The following MYOM1 variants were observed in gnomAD, a reference collection of about 807,000 sequenced individuals.
MYOM1 encodes the protein myomesin-1.
In MYOM1, 164 loss-of-function variants were observed where a neutral mutation model predicts 205.3. The ratio of observed to expected loss-of-function variants is 0.80; its 90% CI spans 0.70 to 0.91. The LOEUF (loss-of-function observed/expected upper bound fraction) is 0.91. MYOM1 is among the 40% of genes least tolerant of loss of function. The pLI is 0.00. For missense variants in MYOM1, 2,011 were observed against 2,127.3 expected, an observed-to-expected ratio of 0.95 and a Z score of 1.08; for synonymous variants, 772 against 789.4, an observed-to-expected ratio of 0.98 and a Z score of 0.37.
chr18:3,148,742 A>T (rs933581288), intron 13 of MYOM1, among the ~76,000 whole-genome samples: 3 of 142,626 alleles, frequency 2.1e-5, no homozygotes, highest in Non-Finnish European at 4.5e-5. Context: ...GCTGCTCGGG[A>T]GGCTGAGGCA....
intron 19 of MYOM1, among the ~76,000 whole-genome samples, chr18:3,126,036 A>C (rs1220186369): frequency 6.6e-6 from 1 of 152,104 alleles, no homozygotes; most frequent in Non-Finnish European, 1.5e-5. Context: ...TGGGAGGCTG[A>C]GGTGAGCGGA....
Position 3,100,349 on chromosome 18 carries a change from A to G in MYOM1, c.3653T>C (p.Ile1218Thr), listed in dbSNP as rs761478844. The change falls in exon 24 of 38, where the codon ATA becomes ACA. Residue 1218 changes from isoleucine to threonine, a missense_variant. By Grantham distance (89) the Ile-to-Thr change is moderately conservative. Coordinates refer to ENST00000356443, the MANE Select transcript of MYOM1 (RefSeq NM_003803.4). Reference sequence around the variant, plus strand: ...CTCATCTATTAAGTAGCTTGATGCTATTCCATCAGTGTCTGTTACATCGCA... The same window carrying G: ...CTCATCTATTAAGTAGCTTGATGCTGTTCCATCAGTGTCTGTTACATCGCA... ...YSCDVTDTDG[I>T]ASSYLIDEEE... is the part of the protein sequence containing the mutation. The G allele has an allele frequency of 6.2e-7, 1 of 1,613,934 alleles. No homozygotes were observed. Among genetic ancestry groups the G allele is most frequent in the Non-Finnish European group, 8.5e-7 (1 of 1,179,836 alleles).
rs1473828693 is a variant in MYOM1, at chr18:3,075,821, C to T, written c.4649-60G>A. ...ACCCAGAATTGATGACACACAGGGG[C>T]GATTAAAATTCACAACTGGAGATTG... is the stretch of plus-strand genomic sequence containing the variant. On this transcript the variant is annotated intron_variant, in intron 34 of 37. Transcript: ENST00000356443. 2.8e-5 allele frequency: 40 copies of T among 1,447,190 alleles called. No homozygotes were observed. In the East Asian group the frequency reaches 5.2e-4, roughly 19 times the overall value. The allele number at this position is 1,447,190 out of a possible 1,614,324, so 89.6% of individuals were successfully genotyped here. A position where few individuals can be genotyped will look rare whatever the true frequency, so the allele number is the denominator to read the frequency against.
intron 10 of MYOM1, 101 bp from the exon 11 acceptor site, chr18:3,155,189 T>G: frequency 8.3e-7 from 1 of 1,199,730 alleles, no homozygotes. Context: ...TCACAGTGGC[T>G]CAATCTTTGG....
chr18:3,080,748 T>A (rs11081002), intron 33 of MYOM1, among the ~76,000 whole-genome samples: 11,783 of 152,176 alleles, frequency 0.077, 473 homozygotes, highest in African/African-American at 0.087. Flanking sequence ...TTACATTTTT[T>A]AAATAACATT....
At chr18:3,154,857 A>G in intron 11 of MYOM1, 90 bp downstream of exon 11, 1 of 1,424,446 alleles carries the variant, frequency 7.0e-7, no homozygotes, top group South Asian at 1.3e-5. Context: ...AAGCCAGAAA[A>G]GAAAATATTT....
At chr18:3,077,737 C>T (rs1483088454) in intron 34 of MYOM1, among the ~76,000 whole-genome samples, 1 of 152,148 alleles carries the variant, frequency 6.6e-6, no homozygotes, top group African/African-American at 2.4e-5. Flanking sequence ...CATTTTCCAC[C>T]CACTGACTGC....
Position 3,189,088 on chromosome 18 carries a change from C to T in MYOM1, c.432-1G>A, listed in dbSNP as rs1393584140. 3 of 1,608,486 alleles carry T rather than the reference C, an allele frequency of 1.9e-6. No individual in the cohort carries two copies. Among genetic ancestry groups the T allele is most frequent in the Non-Finnish European group, 8.5e-7 (1 of 1,176,774 alleles). Reference sequence around the variant, plus strand: ...AGTAATTCCACTGACATGCTTTTGACTAAAACACAACAATGGCAAAATGTA... The same window carrying T: ...AGTAATTCCACTGACATGCTTTTGATTAAAACACAACAATGGCAAAATGTA... On this transcript the variant is annotated splice_acceptor_variant, in intron 3 of 37. Transcript: ENST00000356443. LOFTEE classifies it high-confidence loss of function. The surrounding 1 kb of genome is among the most constrained non-coding windows in gnomAD (Gnocchi z 4.8).
In MYOM1 at chr18:3,129,443, C is replaced by G; in HGVS notation, c.2583G>C (p.Val861=). ...PGGLTASRGR[V]HEASPPTFQK... The stretch of plus-strand genomic sequence containing the variant: ...GGAAGGTTGGCGGGGAGGCTTCATG[C>G]ACGCGCCCCCTGGAGGCGGTTAGTC... The change falls in exon 18 of 38, where the codon GTG becomes GTC. Residue 861 remains valine (V), a synonymous_variant. Transcript: ENST00000356443. 6.2e-7 allele frequency: 1 copy of G among 1,613,946 alleles called. No individual in the cohort carries two copies. Among genetic ancestry groups the G allele is most frequent in the East Asian group, 2.2e-5 (1 of 44,870 alleles).
chr18:3,111,451 C>T (rs992501722), intron 22 of MYOM1, among the ~76,000 whole-genome samples: 12 of 152,066 alleles, frequency 7.9e-5, no homozygotes, highest in Admixed American at 6.5e-4. Flanking sequence ...AGGGCTGCCT[C>T]GAATCTATAA....
At chr18:3,241,837 C>T in the MYOM1 span, among the ~76,000 whole-genome samples, 2 of 152,228 alleles carry the variant, frequency 1.3e-5, no homozygotes, top group African/African-American at 4.8e-5. Flanking sequence ...GGGAACCCAC[C>T]TCTTACATCA....
chr18:3,197,320 T>A (rs993147259), intron 2 of MYOM1, among the ~76,000 whole-genome samples: 1 of 152,104 alleles, frequency 6.6e-6, no homozygotes, highest in Admixed American at 6.5e-5. Context: ...TACGTTTTAG[T>A]AGAGACAGAG....
At chr18:3,204,559 T>C (rs1253859885) in intron 2 of MYOM1, among the ~76,000 whole-genome samples, 1 of 151,964 alleles carries the variant, frequency 6.6e-6, no homozygotes, top group Non-Finnish European at 1.5e-5. Context: ...AAAACATTAT[T>C]ATGAGAAGTG....
At chr18:3,073,777 T>C (rs189810836) in intron 36 of MYOM1, among the ~76,000 whole-genome samples, 54 of 152,352 alleles carry the variant, frequency 3.5e-4, no homozygotes, top group Middle Eastern at 3.4e-3. Context: ...ATTTGCACCT[T>C]ATGCAGGGGA....
chr18:3,193,754 C>A, intron 3 of MYOM1, 64 bp downstream of exon 3: 2 of 1,467,394 alleles, frequency 1.4e-6, no homozygotes, highest in Non-Finnish European at 9.2e-7. Context: ...TATAATCTGC[C>A]ATTCCTATAG....
In MYOM1 at chr18:3,215,244, C is replaced by G; in HGVS notation, c.-21G>C. ...GACATCCTGTGCCCCTTGAAGGAAC[C>G]GGGCCACCTGAAGGAAAACAACACT... On this transcript the variant is annotated 5_prime_UTR_variant, in exon 2 of 38. Coordinates refer to ENST00000356443, the MANE Select transcript of MYOM1 (RefSeq NM_003803.4). 6.3e-7 allele frequency: 1 copy of G among 1,585,378 alleles called. No individual in the cohort carries two copies. Among genetic ancestry groups the G allele is most frequent in the Non-Finnish European group, 8.6e-7 (1 of 1,163,450 alleles).
At chr18:3,221,103 C>G (rs1019270713), upstream of MYOM1, among the ~76,000 whole-genome samples, 1 of 152,168 alleles carries the variant, frequency 6.6e-6, no homozygotes, top group Non-Finnish European at 1.5e-5. Context: ...TCACTGCAAC[C>G]TCTGCCTCCC....
intron 3 of MYOM1, among the ~76,000 whole-genome samples, chr18:3,190,997 C>CA (rs1196073655): frequency 6.6e-6 from 1 of 152,116 alleles, no homozygotes; most frequent in Non-Finnish European, 1.5e-5. Flanking sequence ...AATTATTTCA[C>CA]ACGAGAACTC....
chr18:3,072,030 A>C (rs941192340), intron 36 of MYOM1, 141 bp from the exon 37 acceptor site: 155 of 757,428 alleles, frequency 2.0e-4, no homozygotes, highest in Non-Finnish European at 5.1e-5. Context: ...CATGCAAAAA[A>C]AGAAAATGAT....
Sources: allele counts gnomAD v4.1 joint callset (sites outside exome capture counted in the v4.1 genomes callset), GRCh38; gene constraint gnomAD v4.1.1; non-coding constraint Gnocchi (gnomAD v3.1); transcripts MANE v1.5; gene names NCBI Gene and HGNC (gene_info 2026-07-23, HGNC 2026-07-21).